SAMD8: variants seen among roughly 807,000 people sequenced by gnomAD.
SAMD8 encodes the protein sphingomyelin synthase-related protein 1.
SAMD8 carries 20 observed loss-of-function variants against 42.0 expected under a neutral mutation model. That is an observed-to-expected ratio of 0.48 (90% CI 0.34 to 0.69). SAMD8 has a LOEUF of 0.69. Among genes scored for constraint, SAMD8 ranks in the 30% least tolerant of loss-of-function variants. SAMD8 has a pLI of 0.01. For synonymous variants in SAMD8, 162 were observed against 173.0 expected, an observed-to-expected ratio of 0.94 and a Z score of 0.50; for missense variants, 328 against 511.6, an observed-to-expected ratio of 0.64 and a Z score of 3.46.
intron 1 of SAMD8, among the ~76,000 whole-genome samples, chr10:75,126,998 G>T (rs1408677359): frequency 6.6e-6 from 1 of 152,008 alleles, no homozygotes; most frequent in Non-Finnish European, 1.5e-5. Context: ...GACCAGCCTG[G>T]CCAGCATGGT....
intron 1 of SAMD8, among the ~76,000 whole-genome samples, chr10:75,141,724 T>G (rs1840020817): frequency 1.3e-5 from 2 of 151,422 alleles, no homozygotes; most frequent in Non-Finnish European, 2.9e-5. Flanking sequence ...TGTATTTTTA[T>G]TAGAGACAGG....
chr10:75,112,456 C>T lies in SAMD8; in HGVS notation c.-16+734C>T, dbSNP rs546062315. On this transcript the variant is annotated intron_variant, in intron 1 of 5. Transcript: ENST00000542569. ...CAATGTACTTGGATCGTGGGGCTTT[C>T]TCGTTCGTGCACAGTGGATCATTTT... Among the ~76,000 whole-genome samples the T allele has an allele frequency of 2.0e-5, 3 of 147,464 alleles. No homozygotes were observed. The East Asian group carries it at 5.8e-4, about 28-fold the overall frequency.
intron 1 of SAMD8, among the ~76,000 whole-genome samples, chr10:75,145,830 TG>T (rs1323675658): frequency 6.6e-6 from 1 of 152,224 alleles, no homozygotes; most frequent in Non-Finnish European, 1.5e-5. Flanking sequence ...CTTACTACTA[TG>T]GCAAGATCTT....
chr10:75,109,119 G>A (rs1298286212), upstream of SAMD8: 1 of 1,610,296 alleles, frequency 6.2e-7, no homozygotes, highest in South Asian at 1.1e-5. Context: ...GCGTGGCTTT[G>A]TCCTCTCCCC....
chr10:75,139,043 C>T (rs781629573), intron 1 of SAMD8, among the ~76,000 whole-genome samples: 50 of 151,528 alleles, frequency 3.3e-4, no homozygotes, highest in Non-Finnish European at 6.0e-4. Context: ...TCACTGCCAC[C>T]TCCGCCTCCC....
In SAMD8 at chr10:75,140,067, C is replaced by T. The variant is rs538131828; in HGVS notation, c.-15-10447C>T. Among the ~76,000 whole-genome samples the T allele has an allele frequency of 1.2e-3, 184 of 152,300 alleles. 1 individual carries two copies. Among genetic ancestry groups the T allele is most frequent in the Admixed American group, 2.5e-3 (38 of 15,296 alleles). ...GACTGTGTTTTCTCCACTGAATTGCCTTTGCACATTTGTAGAAAATCAGAT... is the reference window on the plus strand; with the variant it reads ...GACTGTGTTTTCTCCACTGAATTGCTTTTGCACATTTGTAGAAAATCAGAT... On this transcript the variant is annotated intron_variant, in intron 1 of 5. Coordinates refer to ENST00000542569, the MANE Select transcript of SAMD8 (RefSeq NM_001174156.2).
At chr10:75,170,728 C>T (rs1295229454) in intron 4 of SAMD8, among the ~76,000 whole-genome samples, 1 of 150,122 alleles carries the variant, frequency 6.7e-6, no homozygotes, top group East Asian at 1.9e-4. Flanking sequence ...GCCACACAGA[C>T]CATTTTTAAG....
intron 1 of SAMD8, among the ~76,000 whole-genome samples, chr10:75,102,829 G>A (rs920020631): frequency 3.3e-5 from 5 of 152,168 alleles, no homozygotes; most frequent in Non-Finnish European, 5.9e-5. Context: ...GCGCATGCCT[G>A]TAATCCCAGC....
chr10:75,160,060 A>G (rs1258813319), intron 2 of SAMD8, among the ~76,000 whole-genome samples: 1 of 152,198 alleles, frequency 6.6e-6, no homozygotes, highest in Non-Finnish European at 1.5e-5. Flanking sequence ...AACACTATAA[A>G]AAGCAAACAT....
intron 1 of SAMD8, among the ~76,000 whole-genome samples, chr10:75,123,882 C>T (rs577434495): frequency 5.3e-5 from 8 of 151,980 alleles, no homozygotes; most frequent in African/African-American, 1.7e-4. Context: ...CACACTCCAC[C>T]GCGCCCAGGT....
chr10:75,129,151 T>A (rs1849217592), intron 1 of SAMD8, among the ~76,000 whole-genome samples: 1 of 151,686 alleles, frequency 6.6e-6, no homozygotes, highest in Non-Finnish European at 1.5e-5. Context: ...TTTTTTTTTT[T>A]AAAGACTAGG....
chr10:75,156,414 C>G (rs746976693), intron 2 of SAMD8, among the ~76,000 whole-genome samples: 10 of 152,132 alleles, frequency 6.6e-5, no homozygotes, highest in Non-Finnish European at 1.3e-4. Flanking sequence ...ATGATAAAAT[C>G]TATTAGGTGA....
rs1457978950 is a variant in SAMD8, at chr10:75,176,617, T to C, written c.1173T>C (p.Asn391=). Residue 391 remains asparagine (N), a synonymous_variant, in exon 6 of 6, where the codon AAT becomes AAC. Transcript: ENST00000542569. The surrounding 1 kb of genome is among the most constrained non-coding windows in gnomAD (Gnocchi z 4.3). ...WFPMFSFFEC[N]VNGTVPNEYC... ...CCATGTTCTCTTTTTTTGAATGCAA[T>C]GTTAATGGCACAGTACCTAATGAAT... 2 of 1,550,434 alleles carry C rather than the reference T, an allele frequency of 1.3e-6. No individual in the cohort carries two copies. The highest frequency in any genetic ancestry group is 3.9e-5 in the Admixed American group (2 of 50,990).
intron 4 of SAMD8, among the ~76,000 whole-genome samples, chr10:75,169,368 C>T (rs2132208636): frequency 6.7e-6 from 1 of 149,922 alleles, no homozygotes; most frequent in Admixed American, 6.7e-5. Context: ...GCCTGTAATC[C>T]CAGCTACTCG....
At chr10:75,138,643 C>G (rs768588095) in intron 1 of SAMD8, among the ~76,000 whole-genome samples, 1 of 152,020 alleles carries the variant, frequency 6.6e-6, no homozygotes, top group Admixed American at 6.6e-5. Context: ...ATACTGAGTT[C>G]TTTTGCTCTT....
chr10:75,140,245 C>T (rs1839983437), intron 1 of SAMD8, among the ~76,000 whole-genome samples: 1 of 152,194 alleles, frequency 6.6e-6, no homozygotes, highest in Non-Finnish European at 1.5e-5. Context: ...GCTGGGACTA[C>T]AGGCAAGCAC....
At chr10:75,145,763 C>T (rs1840116266) in intron 1 of SAMD8, among the ~76,000 whole-genome samples, 1 of 152,108 alleles carries the variant, frequency 6.6e-6, no homozygotes, top group Non-Finnish European at 1.5e-5. Context: ...CCAAATGTTC[C>T]AGGAAGTGGG....
At chr10:75,100,971 G>C (rs1848123945) in intron 1 of SAMD8, among the ~76,000 whole-genome samples, 1 of 152,232 alleles carries the variant, frequency 6.6e-6, no homozygotes, top group Non-Finnish European at 1.5e-5. Flanking sequence ...GTTTCAGATA[G>C]TCCCCTGGAC....
At chr10:75,107,970 G>A (rs776162515), upstream of SAMD8, 3 of 1,597,752 alleles carry the variant, frequency 1.9e-6, no homozygotes, top group African/African-American at 2.7e-5. Flanking sequence ...GATGGGATAT[G>A]GGCTTGGACC....
Sources: allele counts gnomAD v4.1 joint callset (sites outside exome capture counted in the v4.1 genomes callset), GRCh38; gene constraint gnomAD v4.1.1; non-coding constraint Gnocchi (gnomAD v3.1); transcripts MANE v1.5; gene names NCBI Gene and HGNC (gene_info 2026-07-23, HGNC 2026-07-21).